RBFOX1: variants seen among roughly 807,000 people sequenced by gnomAD.
RBFOX1 encodes RNA binding protein fox-1 homolog 1.
RBFOX1 carries 8 observed loss-of-function variants against 57.7 expected under a neutral mutation model. The ratio of observed to expected loss-of-function variants is 0.14; its 90% CI spans 0.08 to 0.25. The LOEUF is 0.25. Ranked by LOEUF, RBFOX1 falls within the 10% of genes least tolerant of loss-of-function variation. The pLI is 1.00. For missense variants in RBFOX1, 611 were observed against 548.5 expected (o/e 1.11, Z -1.14); for synonymous variants, 326 against 222.4 (o/e 1.47, Z -4.15).
At chr16:5,538,150 C>T (rs2044774721) in intron 2 of RBFOX1, among the ~76,000 whole-genome samples, 1 of 152,166 alleles carries the variant, frequency 6.6e-6, no homozygotes, top group Admixed American at 6.5e-5. Context: ...ACTAGAAGGT[C>T]TGTAATCTAG....
intron 3 of RBFOX1, among the ~76,000 whole-genome samples, chr16:6,768,300 A>G: frequency 6.6e-6 from 1 of 152,194 alleles, no homozygotes; most frequent in Middle Eastern, 3.4e-3. Flanking sequence ...AATGTTTGTA[A>G]TTTATATGAC....
intron 4 of RBFOX1, chr16:7,332,820 A>C: frequency 7.0e-7 from 1 of 1,421,514 alleles, no homozygotes; most frequent in South Asian, 1.6e-5. Flanking sequence ...AAACTTTCAC[A>C]TTAAGAGTTG....
intron 3 of RBFOX1, among the ~76,000 whole-genome samples, chr16:6,997,176 A>G (rs915676345): frequency 1.3e-5 from 2 of 152,160 alleles, no homozygotes; most frequent in African/African-American, 4.8e-5. Context: ...ATAGAGAATT[A>G]TCTTAGCATT....
At chr16:6,283,128 A>G (rs2152703440) in intron 1 of RBFOX1, among the ~76,000 whole-genome samples, 1 of 152,232 alleles carries the variant, frequency 6.6e-6, no homozygotes, top group African/African-American at 2.4e-5. Flanking sequence ...GGAGTGGGAG[A>G]CTAGTCTGGG....
chr16:6,876,605 A>G lies in RBFOX1; in HGVS notation c.-15-175452A>G, dbSNP rs563769380. ...AACCTTGGACTTTATGATGCACCAT[A>G]CTAGAGTAAAAGACTTGTATCTATT... On this transcript the variant is annotated intron_variant, in intron 3 of 15. Transcript: ENST00000550418. Among the ~76,000 whole-genome samples, 8 of 152,268 alleles carry G rather than the reference A, an allele frequency of 5.3e-5. No individual in the cohort carries two copies. The South Asian group carries it at 1.5e-3, about 28-fold the overall frequency.
At chr16:7,296,543 C>T (rs776128442) in intron 4 of RBFOX1, among the ~76,000 whole-genome samples, 3 of 152,110 alleles carry the variant, frequency 2.0e-5, no homozygotes, top group Non-Finnish European at 4.4e-5. Context: ...AACTAAGGCT[C>T]GGAATGGTTA....
chr16:5,321,508 G>C (rs1200940810), intron 1 of RBFOX1, among the ~76,000 whole-genome samples: 2 of 152,120 alleles, frequency 1.3e-5, no homozygotes, highest in Non-Finnish European at 1.5e-5. Flanking sequence ...TTTTAGTAGA[G>C]ACGGGTTTTC....
chr16:7,572,694 C>T (rs1188269761), intron 5 of RBFOX1, among the ~76,000 whole-genome samples: 3 of 152,046 alleles, frequency 2.0e-5, no homozygotes, highest in Non-Finnish European at 2.9e-5. Flanking sequence ...AAAAAATTAG[C>T]TGGGCGTAGT....
chr16:5,926,810 C>G (rs577909630), intron 4 of RBFOX1, among the ~76,000 whole-genome samples: 46 of 152,150 alleles, frequency 3.0e-4, no homozygotes, highest in Non-Finnish European at 5.0e-4. Flanking sequence ...TAATAGAAAA[C>G]AGTAGCTGAG....
intron 3 of RBFOX1, among the ~76,000 whole-genome samples, chr16:7,016,208 C>T (rs949425489): frequency 1.3e-5 from 2 of 152,198 alleles, no homozygotes; most frequent in Non-Finnish European, 2.9e-5. Flanking sequence ...ATCAGGAAAT[C>T]GCCATCAACA....
At chr16:5,542,238 G>C (rs1034740692) in intron 2 of RBFOX1, among the ~76,000 whole-genome samples, 2 of 142,502 alleles carry the variant, frequency 1.4e-5, no homozygotes, top group African/African-American at 2.7e-5. Context: ...AATAACACAG[G>C]TATTGATTTT....
intron 4 of RBFOX1, among the ~76,000 whole-genome samples, chr16:7,301,600 T>C (rs2096034980): frequency 6.6e-6 from 1 of 152,190 alleles, no homozygotes; most frequent in Non-Finnish European, 1.5e-5. Context: ...CTTTACATAA[T>C]GTATTTGTTT....
intron 2 of RBFOX1, among the ~76,000 whole-genome samples, chr16:6,617,189 A>G (rs912349382): frequency 6.6e-6 from 1 of 151,718 alleles, no homozygotes; most frequent in Non-Finnish European, 1.5e-5. Context: ...CCTTGATCTC[A>G]TCTGTATAGG....
chr16:7,342,926 G>A (rs983579214), intron 4 of RBFOX1, among the ~76,000 whole-genome samples: 8 of 152,174 alleles, frequency 5.3e-5, no homozygotes, highest in South Asian at 2.1e-4. Flanking sequence ...CAAGAAACAC[G>A]TGAAGGAGAG....
chr16:6,940,272 G>A (rs2078136977), intron 3 of RBFOX1, among the ~76,000 whole-genome samples: 2 of 152,190 alleles, frequency 1.3e-5, no homozygotes. Context: ...ATGAGTCCTT[G>A]TTGCTGCCCA....
chr16:5,449,397 A>G, intron 1 of RBFOX1, among the ~76,000 whole-genome samples: 1 of 152,194 alleles, frequency 6.6e-6, no homozygotes, highest in South Asian at 2.1e-4. Flanking sequence ...CCTTCACAGT[A>G]GCACAAACCT....
intron 6 of RBFOX1, among the ~76,000 whole-genome samples, chr16:7,586,672 G>A (rs999730885): frequency 2.0e-5 from 3 of 152,154 alleles, no homozygotes; most frequent in Non-Finnish European, 2.9e-5. Flanking sequence ...TAACAATGTG[G>A]AGAATTATCT....
At chr16:7,044,947 C>G (rs946593232) in intron 3 of RBFOX1, among the ~76,000 whole-genome samples, 2 of 152,178 alleles carry the variant, frequency 1.3e-5, no homozygotes, top group Admixed American at 6.5e-5. Context: ...CTGAGTCTTC[C>G]AAGAATCATT....
intron 4 of RBFOX1, among the ~76,000 whole-genome samples, chr16:7,128,952 C>T (rs933935437): frequency 2.6e-5 from 4 of 151,480 alleles, no homozygotes; most frequent in Non-Finnish European, 5.9e-5. Flanking sequence ...TCCCAAGTAG[C>T]TGGGACTACA....
Sources: allele counts gnomAD v4.1 joint callset (sites outside exome capture counted in the v4.1 genomes callset), GRCh38; gene constraint gnomAD v4.1.1; transcripts MANE v1.5; gene names NCBI Gene and HGNC (gene_info 2026-07-23, HGNC 2026-07-21).